The following RORB variants were observed in gnomAD, a reference collection of about 807,000 sequenced individuals.
RORB encodes RAR related orphan receptor B, also known as nuclear receptor ROR-beta.
Under a neutral mutation model 59.1 loss-of-function variants are expected in RORB, and 6 were observed. That is an observed-to-expected ratio of 0.10 (90% CI 0.06 to 0.20). The LOEUF (loss-of-function observed/expected upper bound fraction) is 0.20. Ranked by LOEUF, RORB falls within the 10% of genes least tolerant of loss-of-function variation. The pLI, the probability that RORB is intolerant of heterozygous loss-of-function variation, is 1.00. For synonymous variants in RORB, 215 were observed against 204.5 expected (o/e 1.05, Z -0.44); for missense variants, 320 against 560.5 (o/e 0.57, Z 4.33).
chr9:74,639,424 A>C (rs1414363664), intron 3 of RORB, among the ~76,000 whole-genome samples: 1 of 152,252 alleles, frequency 6.6e-6, no homozygotes, highest in Non-Finnish European at 1.5e-5. Flanking sequence ...AATCAGGGTC[A>C]TTAATGCAAT....
chr9:74,585,113 ATAAC>A (rs957182912), intron 1 of RORB, among the ~76,000 whole-genome samples: 1 of 152,184 alleles, frequency 6.6e-6, no homozygotes, highest in African/African-American at 2.4e-5. Context: ...TTCAGACTAA[ATAAC>A]TATTATCTCA....
rs60811715 is a variant in RORB at position 74,603,186 on chromosome 9, G to A, written c.8-27096G>A. On this transcript the variant is annotated intron_variant, in intron 1 of 9. Coordinates refer to ENST00000376896, the MANE Select transcript of RORB (RefSeq NM_006914.4). Reference sequence around the variant, plus strand: ...CCCCAAAACATGCATATGCCCAGTCGTGGCTCTCAGAGAGGATGCCCAACC... The same window carrying A: ...CCCCAAAACATGCATATGCCCAGTCATGGCTCTCAGAGAGGATGCCCAACC... Among the ~76,000 whole-genome samples the A allele has an allele frequency of 7.4e-3, 1,130 of 152,260 alleles. 16 individuals carry two copies. The highest frequency in any genetic ancestry group is 0.026 in the African/African-American group (1,068 of 41,558).
At chr9:74,549,692 C>T (rs895602562) in intron 1 of RORB, among the ~76,000 whole-genome samples, 2 of 151,436 alleles carry the variant, frequency 1.3e-5, no homozygotes, top group African/African-American at 4.8e-5. Flanking sequence ...TTTTTGACTG[C>T]TTGTAGGATT....
In RORB at chr9:74,685,745, T is replaced by C. The variant is rs1824629983; in HGVS notation, c.*127T>C. The stretch of plus-strand genomic sequence containing the variant: ...AGGAATGTCCTGCACTTAATAGAAT[T>C]ATTTTTCACCGCTACAGTTTGAAGA... On this transcript the variant is annotated 3_prime_UTR_variant, in exon 10 of 10. Coordinates refer to ENST00000376896, the MANE Select transcript of RORB (RefSeq NM_006914.4). The C allele has an allele frequency of 1.7e-6, 1 of 598,602 alleles. No individual in the cohort carries two copies. The highest frequency in any genetic ancestry group is 2.6e-6 in the Non-Finnish European group (1 of 383,544). 37.1% of individuals were successfully genotyped at this position (598,602 alleles called of 1,614,324 possible).
intron 1 of RORB, among the ~76,000 whole-genome samples, chr9:74,554,385 A>T (rs907670151): frequency 6.6e-6 from 1 of 152,084 alleles, no homozygotes; most frequent in African/African-American, 2.4e-5. Flanking sequence ...ATCCTACATC[A>T]GGGAAAGATA....
chr9:74,585,534 TCTC>T (rs1410506421), intron 1 of RORB, among the ~76,000 whole-genome samples: 4 of 152,166 alleles, frequency 2.6e-5, no homozygotes, highest in Admixed American at 6.5e-5. Context: ...GGTAAAGTCC[TCTC>T]CTCCTTCTGA....
chr9:74,575,932 A>T (rs1822627907), intron 1 of RORB, among the ~76,000 whole-genome samples: 1 of 152,098 alleles, frequency 6.6e-6, no homozygotes, highest in Admixed American at 6.6e-5. Flanking sequence ...GTTATTATTA[A>T]TATTATCACG....
At chr9:74,586,507 GA>G (rs1822801392) in intron 1 of RORB, among the ~76,000 whole-genome samples, 1 of 150,672 alleles carries the variant, frequency 6.6e-6, no homozygotes, top group East Asian at 2.0e-4. Flanking sequence ...GAAAAGAAAA[GA>G]AAAAAGAGAG....
chr9:74,511,717 C>T (rs1825942122), intron 1 of RORB, among the ~76,000 whole-genome samples: 1 of 149,094 alleles, frequency 6.7e-6, no homozygotes, highest in Admixed American at 6.8e-5. Flanking sequence ...ATCCATTTGC[C>T]TGAGGTCATC....
At chr9:74,684,816 G>A (rs1196096979) in intron 9 of RORB, among the ~76,000 whole-genome samples, 1 of 152,168 alleles carries the variant, frequency 6.6e-6, no homozygotes, top group Non-Finnish European at 1.5e-5. Context: ...GGGTTAGTGA[G>A]CTTGATAGCC....
At chr9:74,585,251 T>C (rs546013333) in intron 1 of RORB, among the ~76,000 whole-genome samples, 4 of 152,326 alleles carry the variant, frequency 2.6e-5, no homozygotes, top group African/African-American at 9.6e-5. Context: ...GTCTGAAAAC[T>C]TACCTGTTCC....
At chr9:74,584,773 A>T (rs1227626139) in intron 1 of RORB, among the ~76,000 whole-genome samples, 1 of 152,146 alleles carries the variant, frequency 6.6e-6, no homozygotes, top group African/African-American at 2.4e-5. Context: ...ACTGTCATAG[A>T]CCCTCAGACT....
At chr9:74,664,638 A>G (rs1034148160) in intron 6 of RORB, among the ~76,000 whole-genome samples, 4 of 152,206 alleles carry the variant, frequency 2.6e-5, no homozygotes, top group Non-Finnish European at 5.9e-5. Flanking sequence ...CTCCCCATGT[A>G]TAAGCCTCTA....
At chr9:74,618,098 A>G (rs1482868021) in intron 1 of RORB, among the ~76,000 whole-genome samples, 1 of 152,112 alleles carries the variant, frequency 6.6e-6, no homozygotes, top group Non-Finnish European at 1.5e-5. Flanking sequence ...AAAAAAATCA[A>G]AGCTCTTGTA....
chr9:74,565,503 A>G (rs1822456298), intron 1 of RORB, among the ~76,000 whole-genome samples: 1 of 152,186 alleles, frequency 6.6e-6, no homozygotes, highest in Non-Finnish European at 1.5e-5. Context: ...CAAAATTTTC[A>G]TAAGCATTCT....
chr9:74,612,155 G>T lies in RORB; in HGVS notation c.8-18127G>T, dbSNP rs77523416. Among the ~76,000 whole-genome samples the T allele has an allele frequency of 8.5e-5, 13 of 152,292 alleles. No homozygotes were observed. In the East Asian group the frequency reaches 2.3e-3, roughly 27 times the overall value. On this transcript the variant is annotated intron_variant, in intron 1 of 9. Coordinates refer to ENST00000376896, the MANE Select transcript of RORB (RefSeq NM_006914.4). ...TGGGTAAATGGTCAGGGGACACTTT[G>T]CAAACGTGGTGGGAGTTGAGCTGGG...
intron 1 of RORB, among the ~76,000 whole-genome samples, chr9:74,521,615 A>T (rs1425515691): frequency 6.6e-6 from 1 of 151,740 alleles, no homozygotes; most frequent in Non-Finnish European, 1.5e-5. Flanking sequence ...TTTCCGTAGG[A>T]CTCTCCTGAA....
chr9:74,653,647 T>C (rs571953578), intron 4 of RORB, among the ~76,000 whole-genome samples: 1 of 152,150 alleles, frequency 6.6e-6, no homozygotes, highest in Admixed American at 6.6e-5. Flanking sequence ...GTGCATGCAG[T>C]TGGGCCTCCG....
At chr9:74,660,980 C>T (rs2118511733) in intron 5 of RORB, among the ~76,000 whole-genome samples, 1 of 152,306 alleles carries the variant, frequency 6.6e-6, no homozygotes, top group Middle Eastern at 3.4e-3. Context: ...GCAAAACTAC[C>T]CTGATTGAAA....
Sources: gnomAD v4.1 joint callset for allele counts (sites outside exome capture counted in the v4.1 genomes callset) on GRCh38, gnomAD v4.1.1 for gene constraint, MANE v1.5 for transcripts, NCBI Gene and HGNC (gene_info 2026-07-23, HGNC 2026-07-21) for gene names.